SCCPDH: variants seen among roughly 807,000 people sequenced by gnomAD.
The protein encoded by SCCPDH is saccharopine dehydrogenase-like oxidoreductase.
A neutral mutation model predicts 51.5 loss-of-function variants in SCCPDH; 34 were observed. The ratio of observed to expected loss-of-function variants is 0.66; its 90% CI spans 0.50 to 0.88. The LOEUF is 0.88. Ranked by LOEUF, SCCPDH falls within the 40% of genes least tolerant of loss-of-function variation. The pLI is 0.00. For synonymous variants in SCCPDH, 187 were observed against 191.3 expected, an observed-to-expected ratio of 0.98 and a Z score of 0.19; for missense variants, 464 against 527.1, an observed-to-expected ratio of 0.88 and a Z score of 1.17.
intron 5 of SCCPDH, among the ~76,000 whole-genome samples, chr1:246,749,211 A>G (rs1668814810): frequency 6.6e-6 from 1 of 152,226 alleles, no homozygotes; most frequent in Non-Finnish European, 1.5e-5. Flanking sequence ...CAGTTTGGGT[A>G]TCTGGCCTGC....
chr1:246,740,242 G>A lies in SCCPDH; in HGVS notation c.455G>A (p.Ser152Asn). 1 of 1,610,858 alleles carries A rather than the reference G, an allele frequency of 6.2e-7. No individual in the cohort carries two copies. The highest frequency in any genetic ancestry group is 8.5e-7 in the Non-Finnish European group (1 of 1,177,548). Residue 152 changes from serine to asparagine, a missense_variant, in exon 4 of 12, where the codon AGC becomes AAC. Ser to Asn is a conservative substitution (Grantham distance 46). Coordinates refer to ENST00000366510, the MANE Select transcript of SCCPDH (RefSeq NM_016002.3). Reference protein sequence around the residue: ...ADKGVYIIGSSGFDSIPADLG... With the variant: ...ADKGVYIIGSNGFDSIPADLG... ...AAAGGGGTTTATATCATTGGAAGCA[G>A]CGGCTTTGACTCCATTCCAGCAGAT...
chr1:246,724,628 G>A lies in SCCPDH; in HGVS notation c.190+16G>A. 1 of 1,457,842 alleles carries A rather than the reference G, an allele frequency of 6.9e-7. No homozygotes were observed. The highest frequency in any genetic ancestry group is 3.0e-5 in the East Asian group (1 of 33,728). The allele number at this position is 1,457,842 out of a possible 1,614,324, so 90.3% of individuals were successfully genotyped here. Reference sequence around the variant, plus strand: ...CTGAAGCTGGGTACAGCGGCGGGGCGGGACGGGGCTGCGCGGGCGGCTGGG... The same window carrying A: ...CTGAAGCTGGGTACAGCGGCGGGGCAGGACGGGGCTGCGCGGGCGGCTGGG... On this transcript the variant is annotated intron_variant, in intron 1 of 11. Transcript: ENST00000366510.
At chr1:246,744,708 G>A (rs542707728) in intron 5 of SCCPDH, among the ~76,000 whole-genome samples, 3 of 152,184 alleles carry the variant, frequency 2.0e-5, no homozygotes, top group East Asian at 1.9e-4. Context: ...TCTGCCTCCC[G>A]GATTTAAGTG....
chr1:246,729,433 C>A (rs1668456365), intron 2 of SCCPDH, among the ~76,000 whole-genome samples: 1 of 152,110 alleles, frequency 6.6e-6, no homozygotes, highest in Non-Finnish European at 1.5e-5. Context: ...CATTCCTTTC[C>A]CAGGGTTATT....
chr1:246,724,699 T>TGCGCCCTACGTGTCCCC, intron 1 of SCCPDH, 87 bp downstream of exon 1: 2 of 1,211,354 alleles, frequency 1.7e-6, no homozygotes, highest in Non-Finnish European at 2.2e-6. Flanking sequence ...CCCGCAGGGA[T>TGCGCCCTACGTGTCCCC]GCGCCCTACG....
At chr1:246,740,326 A>G (rs777384413) in intron 4 of SCCPDH, 25 bp downstream of exon 4, 3 of 1,570,134 alleles carry the variant, frequency 1.9e-6, no homozygotes, top group South Asian at 1.2e-5. Flanking sequence ...ATAAGCAATA[A>G]TGGAATTTAA....
Position 246,726,931 on chromosome 1 carries a change from G to A in SCCPDH, c.230G>A (p.Cys77Tyr), listed in dbSNP as rs1301214641. The stretch of plus-strand genomic sequence containing the variant: ...TCATCTGAAGTTGGAATCATCATCT[G>A]TGATATTGCTAATCCAGCCTCGCTT... ...TLSSEVGIII[C>Y]DIANPASLDE... is the part of the protein sequence containing the mutation. The change falls in exon 2 of 12, where the codon TGT becomes TAT. Residue 77 changes from cysteine (C) to tyrosine (Y), a missense_variant. Transcript: ENST00000366510. 1 of 1,614,114 alleles carries A rather than the reference G, an allele frequency of 6.2e-7. No individual in the cohort carries two copies. The highest frequency in any genetic ancestry group is 1.7e-5 in the Admixed American group (1 of 60,030).
At chr1:246,738,265 T>G (rs1011730610) in intron 3 of SCCPDH, among the ~76,000 whole-genome samples, 4 of 151,798 alleles carry the variant, frequency 2.6e-5, no homozygotes, top group South Asian at 4.1e-4. Flanking sequence ...GTAATCCCAG[T>G]GCTTTGGGAG....
At position 246,758,383 on chromosome 1, in the gene SCCPDH, A is replaced by G. The variant is rs573767275; in HGVS notation, c.695+27A>G. 2.0e-5 allele frequency: 32 copies of G among 1,561,498 alleles called. No homozygotes were observed. In the South Asian group the frequency reaches 2.4e-4, roughly 12 times the overall value. On this transcript the variant is annotated intron_variant, in intron 6 of 11. Transcript: ENST00000366510. ...TAAATTAACTTAAAATCCATTTTTT[A>G]TATATCTAGTCTAAGTATATTGTTG...
intron 4 of SCCPDH, among the ~76,000 whole-genome samples, chr1:246,742,808 T>C (rs954208432): frequency 6.6e-6 from 1 of 152,206 alleles, no homozygotes; most frequent in African/African-American, 2.4e-5. Flanking sequence ...AGCCAGCCCA[T>C]TATATTTTTC....
At chr1:246,745,932 C>T (rs1668751656) in intron 5 of SCCPDH, among the ~76,000 whole-genome samples, 1 of 151,802 alleles carries the variant, frequency 6.6e-6, no homozygotes, top group East Asian at 1.9e-4. Context: ...CACGGTGAAA[C>T]CCCGTCTCTA....
chr1:246,747,758 A>G (rs1001943011), intron 5 of SCCPDH, among the ~76,000 whole-genome samples: 11 of 152,158 alleles, frequency 7.2e-5, no homozygotes, highest in Admixed American at 7.2e-4. Flanking sequence ...GGGTACGAGG[A>G]AGGACAGTTA....
At chr1:246,744,883 C>T (rs543694246) in intron 5 of SCCPDH, among the ~76,000 whole-genome samples, 12 of 152,266 alleles carry the variant, frequency 7.9e-5, no homozygotes, top group African/African-American at 2.9e-4. Context: ...ACCTTGGCCT[C>T]CCAAAGTGCT....
At chr1:246,731,410 CCTGCCA>C (rs1668488154) in intron 2 of SCCPDH, among the ~76,000 whole-genome samples, 2 of 152,218 alleles carry the variant, frequency 1.3e-5, no homozygotes, top group African/African-American at 2.4e-5. Flanking sequence ...TTCACTGCAG[CCTGCCA>C]GTACTCATAG....
chr1:246,740,741 C>T (rs140018275), intron 4 of SCCPDH, among the ~76,000 whole-genome samples: 28 of 152,188 alleles, frequency 1.8e-4, no homozygotes, highest in African/African-American at 6.5e-4. Flanking sequence ...TACGATAAAA[C>T]ATTTGAAGTT....
At chr1:246,757,344 C>CCAA (rs1668945897) in intron 5 of SCCPDH, among the ~76,000 whole-genome samples, 1 of 77,448 alleles carries the variant, frequency 1.3e-5, no homozygotes. Flanking sequence ...GACTCTGTCT[C>CCAA]AAAAAAAAAA....
rs530268915 is a variant in SCCPDH, at chr1:246,760,040, T to C, written c.897T>C (p.Phe299=). Residue 299 remains phenylalanine, a synonymous_variant, in exon 8 of 12, where the codon TTT becomes TTC. Transcript: ENST00000366510. ...LMFAGLFFLF[F]VRFGIGRQLL... ...TTGCAGGACTTTTCTTTTTGTTCTT[T>C]GTGAGGTTTGGAATTGGAAGGCAAC... is the stretch of plus-strand genomic sequence containing the variant. 6.2e-7 allele frequency: 1 copy of C among 1,613,512 alleles called. No individual in the cohort carries two copies. The highest frequency in any genetic ancestry group is 1.7e-5 in the Admixed American group (1 of 59,996).
At chr1:246,726,428 A>G (rs998055732) in intron 1 of SCCPDH, among the ~76,000 whole-genome samples, 6 of 151,206 alleles carry the variant, frequency 4.0e-5, no homozygotes, top group African/African-American at 1.5e-4. Flanking sequence ...AGTAGAGACA[A>G]GGTCTTGCTA....
intron 5 of SCCPDH, among the ~76,000 whole-genome samples, chr1:246,747,457 A>C (rs1471589258): frequency 6.6e-6 from 1 of 152,236 alleles, no homozygotes; most frequent in Non-Finnish European, 1.5e-5. Flanking sequence ...GGGCCAAAGC[A>C]TGTGGGTCAC....
Sources: gnomAD v4.1 joint callset for allele counts (sites outside exome capture counted in the v4.1 genomes callset) on GRCh38, gnomAD v4.1.1 for gene constraint, MANE v1.5 for transcripts, NCBI Gene and HGNC (gene_info 2026-07-23, HGNC 2026-07-21) for gene names.